Variants in HSD17B7 observed in about 807,000 individuals in gnomAD.
The protein encoded by HSD17B7 is hydroxysteroid 17-beta dehydrogenase 7.
Under a neutral mutation model 34.1 loss-of-function variants are expected in HSD17B7, and 17 were observed. That is an observed-to-expected ratio of 0.50 (90% CI 0.34 to 0.75). The LOEUF (loss-of-function observed/expected upper bound fraction) is 0.75. Ranked by LOEUF, HSD17B7 falls within the 30% of genes least tolerant of loss-of-function variation. The pLI is 0.01. For synonymous variants in HSD17B7, 122 were observed against 154.6 expected (o/e 0.79, Z 1.56); for missense variants, 296 against 406.6 (o/e 0.73, Z 2.34).
chr1:162,801,353 A>G (rs1648807721), intron 5 of HSD17B7, among the ~76,000 whole-genome samples: 2 of 152,156 alleles, frequency 1.3e-5, no homozygotes, highest in Admixed American at 6.6e-5. Context: ...CCCTAGGCAT[A>G]TTATTTAATC....
At chr1:162,800,221 T>G (rs1648761252) in intron 5 of HSD17B7, 1 of 561,312 alleles carries the variant, frequency 1.8e-6, no homozygotes, top group African/African-American at 1.9e-5. Flanking sequence ...AGGTGCTGTA[T>G]TCGTCTGTGT....
rs558992027 is a variant in HSD17B7, at chr1:162,808,011, C to T, written c.903+2519C>T. On this transcript the variant is annotated intron_variant, in intron 8 of 8. Transcript: ENST00000254521. Reference sequence around the variant, plus strand: ...TCAATTTTGGCTTTTGTTGCCATTGCTTTTGGTGTTTTAGACATGAAGTCC... The same window carrying T: ...TCAATTTTGGCTTTTGTTGCCATTGTTTTTGGTGTTTTAGACATGAAGTCC... 1.7e-3 allele frequency among the ~76,000 whole-genome samples: 264 copies of T among 152,208 alleles called. 2 individuals carry two copies. Among genetic ancestry groups the T allele is most frequent in the African/African-American group, 5.9e-3 (244 of 41,528 alleles).
At chr1:162,807,581 G>C (rs1317290653) in intron 8 of HSD17B7, among the ~76,000 whole-genome samples, 1 of 152,110 alleles carries the variant, frequency 6.6e-6, no homozygotes, top group Non-Finnish European at 1.5e-5. Context: ...CTAGTTTACA[G>C]TCCCACCAAC....
chr1:162,804,093 G>T (rs1246995597), intron 6 of HSD17B7, among the ~76,000 whole-genome samples, 174 bp from the exon 7 acceptor site: 1 of 152,160 alleles, frequency 6.6e-6, no homozygotes, highest in Non-Finnish European at 1.5e-5. Flanking sequence ...AAAAGTAGTG[G>T]ATTTGGAATA....
intron 5 of HSD17B7, chr1:162,800,158 A>G (rs1254003164): frequency 2.5e-5 from 17 of 683,982 alleles, no homozygotes; most frequent in Non-Finnish European, 4.1e-5. Flanking sequence ...ATGTTAACAG[A>G]GTGACACTAC....
Position 162,796,625 on chromosome 1 carries a change from A to G in HSD17B7, c.280A>G (p.Met94Val), listed in dbSNP as rs142312007. 6.1e-5 allele frequency: 98 copies of G among 1,612,744 alleles called. No homozygotes were observed. The highest frequency in any genetic ancestry group is 8.1e-5 in the Non-Finnish European group (95 of 1,178,830). ...LDCIYLNAGI[M>V]PNPQLNIKAL... is the part of the protein sequence containing the mutation. ...CTGTATATATCTAAATGCTGGGATCATGCCTAATCCACAACTAAATATCAA... is the reference window on the plus strand; with the variant it reads ...CTGTATATATCTAAATGCTGGGATCGTGCCTAATCCACAACTAAATATCAA... Residue 94 changes from methionine (M) to valine (V), a missense_variant, in exon 3 of 9, where the codon ATG becomes GTG. Coordinates refer to ENST00000254521, the MANE Select transcript of HSD17B7 (RefSeq NM_016371.4).
chr1:162,797,974 C>T, intron 4 of HSD17B7, 58 bp downstream of exon 4: 3 of 1,590,728 alleles, frequency 1.9e-6, no homozygotes, highest in Non-Finnish European at 2.6e-6. Context: ...CTGTAAAGCT[C>T]TGGGCACAGG....
At chr1:162,802,509 C>T (rs1157126245) in intron 5 of HSD17B7, among the ~76,000 whole-genome samples, 1 of 152,086 alleles carries the variant, frequency 6.6e-6, no homozygotes, top group African/African-American at 2.4e-5. Context: ...TCAGGCAGTG[C>T]CAAGCCTCTG....
chr1:162,803,828 A>G (rs1375410650), intron 6 of HSD17B7, among the ~76,000 whole-genome samples: 1 of 152,212 alleles, frequency 6.6e-6, no homozygotes, highest in Non-Finnish European at 1.5e-5. Context: ...AACATTGTTA[A>G]ACTGGACTTC....
At chr1:162,810,726 C>A (rs548253389) in intron 8 of HSD17B7, among the ~76,000 whole-genome samples, 1 of 152,162 alleles carries the variant, frequency 6.6e-6, no homozygotes, top group African/African-American at 2.4e-5. Flanking sequence ...TCTCTTTGAT[C>A]TTTGTTGGTT....
rs191676752 is a variant in HSD17B7 at position 162,803,549 on chromosome 1, A to G, written c.747+14A>G. 44 of 1,608,916 alleles carry G rather than the reference A, an allele frequency of 2.7e-5. No individual in the cohort carries two copies. The highest frequency in any genetic ancestry group is 4.5e-5 in the East Asian group (2 of 44,760). Reference sequence around the variant, plus strand: ...GCAATATTGCTAGTAAGTGATGAATATACTTCTTTTCTTAACTCATAAAAA... The same window carrying G: ...GCAATATTGCTAGTAAGTGATGAATGTACTTCTTTTCTTAACTCATAAAAA... On this transcript the variant is annotated intron_variant, in intron 6 of 8. Transcript: ENST00000254521.
intron 7 of HSD17B7, among the ~76,000 whole-genome samples, chr1:162,804,981 C>T (rs986026342): frequency 6.6e-6 from 1 of 152,236 alleles, no homozygotes; most frequent in Non-Finnish European, 1.5e-5. Context: ...GTATCTGAGT[C>T]AGTCCTTTAC....
chr1:162,793,512 A>G (rs1336371832), intron 2 of HSD17B7, among the ~76,000 whole-genome samples: 1 of 152,204 alleles, frequency 6.6e-6, no homozygotes, highest in African/African-American at 2.4e-5. Flanking sequence ...CTAAGTTATG[A>G]GTACATCCTG....
intron 8 of HSD17B7, among the ~76,000 whole-genome samples, chr1:162,808,038 T>G (rs1197854491): frequency 1.3e-5 from 2 of 152,220 alleles, no homozygotes; most frequent in Non-Finnish European, 1.5e-5. Flanking sequence ...ATGAAGTCCT[T>G]GCCCATGCCT....
At chr1:162,794,066 TTTTA>T (rs1045408093) in intron 2 of HSD17B7, among the ~76,000 whole-genome samples, 5 of 152,276 alleles carry the variant, frequency 3.3e-5, no homozygotes, top group African/African-American at 1.2e-4. Context: ...AGAGAGGGCT[TTTTA>T]TTTATTTATT....
chr1:162,804,812 T>C (rs1216080093), intron 7 of HSD17B7, among the ~76,000 whole-genome samples: 2 of 152,190 alleles, frequency 1.3e-5, no homozygotes, highest in African/African-American at 4.8e-5. Flanking sequence ...ACGTGGCAAA[T>C]GGGTTGCATG....
intron 8 of HSD17B7, 150 bp from the exon 9 acceptor site, chr1:162,812,148 G>A: frequency 2.1e-6 from 2 of 964,768 alleles, no homozygotes; most frequent in Non-Finnish European, 3.0e-6. Context: ...ATGTCTTCAG[G>A]CTCTCAGCTT....
intron 1 of HSD17B7, among the ~76,000 whole-genome samples, chr1:162,792,075 T>A (rs868308294): frequency 9.8e-5 from 15 of 152,294 alleles, no homozygotes; most frequent in African/African-American, 3.4e-4. Context: ...TCATGTTGAG[T>A]TCTTTCTTTT....
Position 162,790,738 on chromosome 1 carries a change from C to G in HSD17B7, c.-63C>G. 1 of 1,090,256 alleles carries G rather than the reference C, an allele frequency of 9.2e-7. No individual in the cohort carries two copies. Among genetic ancestry groups the G allele is most frequent in the Non-Finnish European group, 1.4e-6 (1 of 720,974 alleles). The allele number at this position is 1,090,256 out of a possible 1,614,324, so 67.5% of individuals were successfully genotyped here. A position where few individuals can be genotyped will look rare whatever the true frequency, so the allele number is the denominator to read the frequency against. ...GGTGACGGGTGAGGCGGCCCGAAAT[C>G]GTAGGACTTCCGAAAGCAGCGGCGG... On this transcript the variant is annotated 5_prime_UTR_variant, in exon 1 of 9. In the 5' UTR this introduces an upstream ATG that the reference lacks. Transcript: ENST00000254521.
Sources: gnomAD v4.1 joint callset for allele counts (sites outside exome capture counted in the v4.1 genomes callset) on GRCh38, gnomAD v4.1.1 for gene constraint, MANE v1.5 for transcripts, NCBI Gene and HGNC (gene_info 2026-07-23, HGNC 2026-07-21) for gene names.